UFD1: variants seen among roughly 807,000 people sequenced by gnomAD.
UFD1 encodes ubiquitin recognition factor in ER-associated degradation protein 1.
A neutral mutation model predicts 45.9 loss-of-function variants in UFD1; 13 were observed. The observed-to-expected ratio is 0.28, with a 90% confidence interval of 0.18 to 0.45. The LOEUF is 0.45. Ranked by LOEUF, UFD1 falls within the 20% of genes least tolerant of loss-of-function variation. UFD1 has a pLI of 1.00. For missense variants in UFD1, 218 were observed against 389.2 expected, an observed-to-expected ratio of 0.56 and a Z score of 3.70; for synonymous variants, 128 against 139.2, an observed-to-expected ratio of 0.92 and a Z score of 0.56.
chr22:19,477,868 T>C (rs2089898212), intron 1 of UFD1, among the ~76,000 whole-genome samples: 1 of 152,200 alleles, frequency 6.6e-6, no homozygotes, highest in Non-Finnish European at 1.5e-5. Context: ...TCTGGGATGG[T>C]TCTTTACTCC....
chr22:19,453,643 G>A (rs1223731528), intron 11 of UFD1: 2 of 985,426 alleles, frequency 2.0e-6, no homozygotes, highest in Non-Finnish European at 2.4e-6. Flanking sequence ...CACTATGTTT[G>A]CTCCTCTGAG....
At chr22:19,466,057 CTG>C (rs1376845914) in intron 5 of UFD1, 12 of 152,266 alleles carry the variant, frequency 7.9e-5, no homozygotes, top group Admixed American at 7.8e-4. Flanking sequence ...GAGCCTGCCA[CTG>C]TGAGTCCAAC....
At chr22:19,458,439 T>C (rs2146291295) in intron 6 of UFD1, among the ~76,000 whole-genome samples, 1 of 152,332 alleles carries the variant, frequency 6.6e-6, no homozygotes, top group South Asian at 2.1e-4. Context: ...GGAACTTTAC[T>C]ATTTATTTTA....
chr22:19,453,838 G>C (rs2089701164), intron 11 of UFD1: 1 of 985,534 alleles, frequency 1.0e-6, no homozygotes, highest in South Asian at 4.7e-5. Flanking sequence ...GGGTGGCTCA[G>C]TACATCTGCC....
At chr22:19,457,865 C>G (rs1198389382) in intron 7 of UFD1, among the ~76,000 whole-genome samples, 1 of 152,178 alleles carries the variant, frequency 6.6e-6, no homozygotes, top group South Asian at 2.1e-4. Flanking sequence ...CATGGCAGCA[C>G]TGGCAGCAAA....
intron 5 of UFD1, chr22:19,467,266 G>A (rs956964097): frequency 6.6e-6 from 1 of 151,950 alleles, no homozygotes; most frequent in Non-Finnish European, 1.5e-5. Context: ...CAGGGCCATG[G>A]AGCTAGAGAT....
intron 11 of UFD1, chr22:19,453,568 A>G: frequency 1.0e-6 from 1 of 985,544 alleles, no homozygotes; most frequent in Middle Eastern, 5.2e-4. Flanking sequence ...TGAGAAAGGC[A>G]GCCTGTAGCT....
chr22:19,474,689 A>G (rs565248439), intron 3 of UFD1, among the ~76,000 whole-genome samples: 1 of 152,316 alleles, frequency 6.6e-6, no homozygotes, highest in South Asian at 2.1e-4. Context: ...AAATCTAGTG[A>G]GCCCAGCCAA....
intron 5 of UFD1, chr22:19,467,638 T>G: frequency 1.9e-6 from 1 of 524,878 alleles, no homozygotes. Flanking sequence ...AAGGGCTTCA[T>G]TGTGGTCTCC....
chr22:19,478,852 G>T, intron 1 of UFD1: 1 of 554,978 alleles, frequency 1.8e-6, no homozygotes. Flanking sequence ...AGGAGGGCAA[G>T]TCCGGCTGAG....
intron 6 of UFD1, among the ~76,000 whole-genome samples, chr22:19,461,325 A>G (rs2089764724): frequency 6.6e-6 from 1 of 152,228 alleles, no homozygotes. Flanking sequence ...GGAATAGTCA[A>G]TATCCCAGAT....
chr22:19,455,349 C>A (rs185478287), intron 10 of UFD1, among the ~76,000 whole-genome samples: 18 of 152,256 alleles, frequency 1.2e-4, no homozygotes, highest in African/African-American at 4.3e-4. Context: ...GGAAAATAGG[C>A]AGATCACCAA....
chr22:19,465,264 C>T lies in UFD1; in HGVS notation c.433G>A (p.Ala145Thr). 6.2e-7 allele frequency: 1 copy of T among 1,614,056 alleles called. No individual in the cohort carries two copies. Among genetic ancestry groups the T allele is most frequent in the Non-Finnish European group, 8.5e-7 (1 of 1,179,998 alleles). Residue 145 changes from alanine to threonine, a missense_variant, in exon 6 of 12, where the codon GCA (alanine) becomes ACA (threonine). Physicochemically the swap from Ala to Thr is moderately conservative, Grantham distance 58. Coordinates refer to ENST00000263202, the MANE Select transcript of UFD1 (RefSeq NM_005659.7). Reference sequence around the variant, plus strand: ...GTCAGACAGGCAAAGTTCCTAAGTGCGTTTTCTAATCTGCAGACACATTCT... The same window carrying T: ...GTCAGACAGGCAAAGTTCCTAAGTGTGTTTTCTAATCTGCAGACACATTCT... Reference protein sequence around the residue: ...ITNPKAVLENALRNFACLTTG... With the variant: ...ITNPKAVLENTLRNFACLTTG...
In UFD1 at chr22:19,467,917, T is replaced by C. The variant is rs748021434; in HGVS notation, c.378A>G (p.Gln126=). ...TGTCCAGGAAGTCAGGGCTCTGAGG[T>C]TGGAATTTGGAGTAGGTGGCCACTT... is the stretch of plus-strand genomic sequence containing the variant. ...NLQVATYSKF[Q]PQSPDFLDIT... Residue 126 remains glutamine, a synonymous_variant, in exon 5 of 12, where the codon CAA becomes CAG. Coordinates refer to ENST00000263202, the MANE Select transcript of UFD1 (RefSeq NM_005659.7). 1.2e-5 allele frequency: 19 copies of C among 1,613,786 alleles called. No individual in the cohort carries two copies. Among genetic ancestry groups the C allele is most frequent in the South Asian group, 1.1e-4 (10 of 91,052 alleles).
chr22:19,471,578 G>A (rs534411634), intron 4 of UFD1, 109 bp downstream of exon 4: 3 of 1,489,304 alleles, frequency 2.0e-6, no homozygotes, highest in Admixed American at 4.1e-5. Context: ...CTAAGACGCT[G>A]AGCAGGAGGA....
chr22:19,462,731 A>G (rs2089776791), intron 6 of UFD1, among the ~76,000 whole-genome samples: 1 of 152,208 alleles, frequency 6.6e-6, no homozygotes, highest in Non-Finnish European at 1.5e-5. Context: ...GTCATTTTTT[A>G]AGCTTCATAC....
At position 19,456,857 on chromosome 22, in the gene UFD1, G is replaced by A. The variant is rs202082039; in HGVS notation, c.626C>T (p.Ser209Leu). Residue 209 changes from serine (S) to leucine (L), a missense_variant, in exon 8 of 12, where the codon TCG (serine) becomes TTG (leucine). Ser to Leu is a moderately radical substitution (Grantham distance 145). Coordinates refer to ENST00000263202, the MANE Select transcript of UFD1 (RefSeq NM_005659.7). The part of the protein sequence containing the change: ...EPERQVQHEE[S>L]TEGEADHSGY... ...GACACTGAGGATAACACTTACTGTC[G>A]ACTCCTCATGCTGGACTTGTCTTTC... The A allele has an allele frequency of 2.9e-4, 468 of 1,613,556 alleles. No homozygotes were observed. Among genetic ancestry groups the A allele is most frequent in the Non-Finnish European group, 3.7e-4 (441 of 1,179,812 alleles).
intron 11 of UFD1, chr22:19,451,885 G>A: frequency 1.0e-6 from 1 of 985,428 alleles, no homozygotes; most frequent in Non-Finnish European, 1.2e-6. Context: ...TACCTGGACT[G>A]GCCTTTCTCT....
chr22:19,454,785 G>T lies in UFD1; in HGVS notation c.813C>A (p.Ile271=). Residue 271 remains isoleucine (I), a synonymous_variant, in exon 11 of 12, where the codon ATC becomes ATA. Coordinates refer to ENST00000263202, the MANE Select transcript of UFD1 (RefSeq NM_005659.7). ...YEFKLGKITF[I]RNSRPLVKKV... ...TTTTGACAAGGGGACGTGAATTTCT[G>T]ATGAAAGTTATCTTACCAAGTTTAA... 1 of 1,614,036 alleles carries T rather than the reference G, an allele frequency of 6.2e-7. No homozygotes were observed. The highest frequency in any genetic ancestry group is 8.5e-7 in the Non-Finnish European group (1 of 1,179,988).
Sources: allele counts gnomAD v4.1 joint callset (sites outside exome capture counted in the v4.1 genomes callset), GRCh38; gene constraint gnomAD v4.1.1; transcripts MANE v1.5; gene names NCBI Gene and HGNC (gene_info 2026-07-23, HGNC 2026-07-21).